The following KDM4C variants were observed in gnomAD, a reference collection of about 807,000 sequenced individuals.
KDM4C encodes lysine demethylase 4C.
KDM4C carries 81 observed loss-of-function variants against 129.3 expected under a neutral mutation model. The observed-to-expected ratio is 0.63, with a 90% CI of 0.52 to 0.75. The LOEUF (loss-of-function observed/expected upper bound fraction) is 0.75. Ranked by LOEUF, KDM4C falls within the 30% of genes least tolerant of loss-of-function variation. The pLI is 0.00. For synonymous variants in KDM4C, 573 were observed against 456.1 expected, an observed-to-expected ratio of 1.26 and a Z score of -3.26; for missense variants, 1,457 against 1,304.0, an observed-to-expected ratio of 1.12 and a Z score of -1.81.
intron 1 of KDM4C, among the ~76,000 whole-genome samples, chr9:6,738,432 G>A (rs909081525): frequency 6.6e-6 from 1 of 152,112 alleles, no homozygotes; most frequent in African/African-American, 2.4e-5. Flanking sequence ...CAGAAACCAT[G>A]CCACTGTACT....
intron 17 of KDM4C, among the ~76,000 whole-genome samples, chr9:7,099,373 A>G (rs1436948136): frequency 6.6e-6 from 1 of 152,212 alleles, no homozygotes; most frequent in African/African-American, 2.4e-5. Context: ...ACAAAGCCTC[A>G]TTGCCAGATA....
intron 8 of KDM4C, among the ~76,000 whole-genome samples, chr9:6,926,000 G>A (rs1225548548): frequency 6.6e-6 from 1 of 152,152 alleles, no homozygotes; most frequent in Non-Finnish European, 1.5e-5. Context: ...CCTCTTCCCT[G>A]GATTACTAGA....
chr9:6,839,836 G>C (rs1207373468), intron 4 of KDM4C, among the ~76,000 whole-genome samples: 1 of 152,006 alleles, frequency 6.6e-6, no homozygotes, highest in Middle Eastern at 3.2e-3. Flanking sequence ...CTGGGAGGTG[G>C]AGGTTGCAGT....
chr9:6,913,769 A>T (rs745495022), intron 8 of KDM4C, among the ~76,000 whole-genome samples: 1 of 152,234 alleles, frequency 6.6e-6, no homozygotes, highest in Non-Finnish European at 1.5e-5. Flanking sequence ...CCAGATGACA[A>T]TTCAAACAGT....
At position 7,066,869 on chromosome 9, in the gene KDM4C, G is replaced by A. The variant is rs144787662; in HGVS notation, c.2424+17669G>A. Among the ~76,000 whole-genome samples the A allele has an allele frequency of 7.4e-3, 1,134 of 152,234 alleles. 9 individuals carry two copies. The highest frequency in any genetic ancestry group is 0.026 in the African/African-American group (1,084 of 41,546). On this transcript the variant is annotated intron_variant, in intron 17 of 21. Coordinates refer to ENST00000381309, the MANE Select transcript of KDM4C (RefSeq NM_015061.6). ...AGCCATCCAGAGATAATTATCTTTT[G>A]ATATTATCCTCTTCTTACGTTTCTC... is the stretch of plus-strand genomic sequence containing the variant.
In KDM4C at chr9:7,005,541, G is replaced by A. The variant is rs898050824; in HGVS notation, c.1787-6157G>A. 6.3e-3 allele frequency among the ~76,000 whole-genome samples: 953 copies of A among 151,960 alleles called. 10 individuals carry two copies. Among genetic ancestry groups the A allele is most frequent in the African/African-American group, 0.022 (916 of 41,404 alleles). On this transcript the variant is annotated intron_variant, in intron 12 of 21. Transcript: ENST00000381309. ...TATTTAACTAAAGGTAAGGGGACTA[G>A]GCTGCCTTCAGCCAGATTTATTACC...
chr9:6,802,216 A>C (rs1829131499), intron 2 of KDM4C, among the ~76,000 whole-genome samples: 1 of 152,218 alleles, frequency 6.6e-6, no homozygotes, highest in South Asian at 2.1e-4. Flanking sequence ...ACCATTGTAC[A>C]CTTAACAGAA....
chr9:6,943,694 G>A (rs1159227811), intron 8 of KDM4C, among the ~76,000 whole-genome samples: 1 of 151,748 alleles, frequency 6.6e-6, no homozygotes, highest in African/African-American at 2.4e-5. Context: ...AAAAAAGGTT[G>A]CACAAATAAT....
chr9:6,958,962 T>C (rs570236619), intron 8 of KDM4C, among the ~76,000 whole-genome samples: 1 of 152,304 alleles, frequency 6.6e-6, no homozygotes, highest in South Asian at 2.1e-4. Context: ...TGTAATGTTA[T>C]GATAATATTA....
chr9:6,882,444 AAGT>A (rs1396252625), intron 6 of KDM4C, among the ~76,000 whole-genome samples: 2 of 152,214 alleles, frequency 1.3e-5, no homozygotes, highest in African/African-American at 4.8e-5. Context: ...TTTTTGTGAA[AAGT>A]AGTATTTCAT....
Position 6,814,840 on chromosome 9 carries a change from T to G in KDM4C, c.435+95T>G, listed in dbSNP as rs986672584. On this transcript the variant is annotated intron_variant, in intron 4 of 21. Coordinates refer to ENST00000381309, the MANE Select transcript of KDM4C (RefSeq NM_015061.6). ...TTTAGAAGTGTTCTTTTGTTGTGCT[T>G]TTGGGTGATCCATAATTCCTCAAAG... 49 of 658,840 alleles carry G rather than the reference T, an allele frequency of 7.4e-5. No homozygotes were observed. The African/African-American group carries it at 8.9e-4, about 12-fold the overall frequency. 40.8% of individuals were successfully genotyped at this position (658,840 alleles called of 1,614,324 possible). A position where few individuals can be genotyped will look rare whatever the true frequency, so the allele number is the denominator to read the frequency against.
chr9:7,090,204 C>G (rs1412089766), intron 17 of KDM4C, among the ~76,000 whole-genome samples: 1 of 152,224 alleles, frequency 6.6e-6, no homozygotes, highest in African/African-American at 2.4e-5. Flanking sequence ...ACTTGACAAG[C>G]AGATTCTTTC....
At chr9:7,051,193 T>G (rs540858422) in intron 17 of KDM4C, among the ~76,000 whole-genome samples, 3 of 152,280 alleles carry the variant, frequency 2.0e-5, no homozygotes, top group Admixed American at 2.0e-4. Flanking sequence ...ATGCTTGTAG[T>G]AGTTATCTTT....
At chr9:6,760,714 G>T (rs1473835128) in intron 1 of KDM4C, among the ~76,000 whole-genome samples, 1 of 151,860 alleles carries the variant, frequency 6.6e-6, no homozygotes, top group Non-Finnish European at 1.5e-5. Flanking sequence ...GGGACTACAG[G>T]CACCCACCAC....
chr9:6,769,900 G>A (rs1382792348), intron 1 of KDM4C, among the ~76,000 whole-genome samples: 1 of 152,150 alleles, frequency 6.6e-6, no homozygotes, highest in African/African-American at 2.4e-5. Flanking sequence ...CATGTGTTAC[G>A]CCATGCCCGG....
chr9:6,832,724 CTTT>C (rs35060245), intron 4 of KDM4C, among the ~76,000 whole-genome samples: 66 of 119,478 alleles, frequency 5.5e-4, no homozygotes, highest in African/African-American at 1.9e-3. Context: ...TGTGCCCGGC[CTTT>C]TTTTTTTTTT....
chr9:7,130,348 G>A (rs941198590), intron 19 of KDM4C, among the ~76,000 whole-genome samples: 2 of 152,272 alleles, frequency 1.3e-5, no homozygotes, highest in African/African-American at 4.8e-5. Context: ...CCAGTTTGAG[G>A]CTTTCCTGGA....
chr9:6,788,393 A>T (rs553802166), intron 1 of KDM4C, among the ~76,000 whole-genome samples: 1 of 152,170 alleles, frequency 6.6e-6, no homozygotes, highest in South Asian at 2.1e-4. Flanking sequence ...CCTGTCGAAG[A>T]TGAACACTGC....
chr9:6,974,429 G>A (rs529753126), intron 8 of KDM4C, among the ~76,000 whole-genome samples: 9 of 152,266 alleles, frequency 5.9e-5, no homozygotes, highest in Non-Finnish European at 1.2e-4. Flanking sequence ...GTGCGACCGC[G>A]GCTCACTGCA....
Sources: gnomAD v4.1 joint callset for allele counts (sites outside exome capture counted in the v4.1 genomes callset) on GRCh38, gnomAD v4.1.1 for gene constraint, MANE v1.5 for transcripts, NCBI Gene and HGNC (gene_info 2026-07-23, HGNC 2026-07-21) for gene names.